Variants in KPNA6 observed in about 807,000 individuals in gnomAD.
KPNA6 encodes karyopherin subunit alpha 6.
KPNA6 carries 9 observed loss-of-function variants against 72.0 expected under a neutral mutation model. The ratio of observed to expected loss-of-function variants is 0.13; its 90% confidence interval spans 0.08 to 0.22. KPNA6 has a LOEUF of 0.22. Among genes scored for constraint, KPNA6 ranks in the 10% least tolerant of loss-of-function variants. The pLI is 1.00. For missense variants in KPNA6, 374 were observed against 655.7 expected, an observed-to-expected ratio of 0.57 and a Z score of 4.69; for synonymous variants, 219 against 242.1, an observed-to-expected ratio of 0.90 and a Z score of 0.89.
At chr1:32,125,704 C>G (rs1023204657) in intron 1 of KPNA6, among the ~76,000 whole-genome samples, 1 of 151,990 alleles carries the variant, frequency 6.6e-6, no homozygotes, top group Non-Finnish European at 1.5e-5. Context: ...ATGATATTGC[C>G]CCCGTTGAGA....
intron 1 of KPNA6, among the ~76,000 whole-genome samples, chr1:32,123,680 C>T (rs917840457): frequency 1.4e-5 from 2 of 146,382 alleles, no homozygotes; most frequent in African/African-American, 5.1e-5. Context: ...ATTGAGGTTG[C>T]AGTGAGCCAA....
In KPNA6 at chr1:32,143,817, T is replaced by C. The variant is rs547781601; in HGVS notation, c.5-10771T>C. On this transcript the variant is annotated intron_variant, in intron 1 of 13. Transcript: ENST00000373625. ...CTAATCTACTTTCTGAGTTTGACTC[T>C]AGGTACCTCATGTAAGTGGAATATT... Among the ~76,000 whole-genome samples the C allele has an allele frequency of 2.2e-4, 33 of 152,302 alleles. 1 individual carries two copies. In the South Asian group the frequency reaches 6.8e-3, roughly 32 times the overall value.
chr1:32,157,494 TTTCTC>T (rs753505686), intron 4 of KPNA6, 49 bp downstream of exon 4: 1 of 1,348,904 alleles, frequency 7.4e-7, no homozygotes, highest in Admixed American at 1.7e-5. Flanking sequence ...TTTAGCCTCT[TTTCTC>T]TTCACTGATG....
At chr1:32,118,154 C>G (rs903187459) in intron 1 of KPNA6, among the ~76,000 whole-genome samples, 13 of 152,030 alleles carry the variant, frequency 8.6e-5, no homozygotes, top group African/African-American at 2.9e-4. Flanking sequence ...GAACTCCCAA[C>G]CTCAGGTGAT....
At chr1:32,149,418 G>A (rs1373775726) in intron 1 of KPNA6, among the ~76,000 whole-genome samples, 1 of 152,034 alleles carries the variant, frequency 6.6e-6, no homozygotes, top group Non-Finnish European at 1.5e-5. Context: ...TAGAAACAGG[G>A]TCTCCCTATG....
intron 1 of KPNA6, among the ~76,000 whole-genome samples, chr1:32,125,798 T>A (rs964561404): frequency 2.0e-5 from 3 of 152,134 alleles, no homozygotes; most frequent in Non-Finnish European, 4.4e-5. Context: ...ATGGTGCATA[T>A]AACTTGTATA....
Position 32,174,892 on chromosome 1 carries a change from C to T in KPNA6, c.*3998C>T, listed in dbSNP as rs1020580773. 6.6e-6 allele frequency: 1 copy of T among 152,180 alleles called. No homozygotes were observed. Among genetic ancestry groups the T allele is most frequent in the Non-Finnish European group, 1.5e-5 (1 of 68,032 alleles). The allele number at this position is 152,180 out of a possible 1,614,324, so 9.4% of individuals were successfully genotyped here. A position where few individuals can be genotyped will look rare whatever the true frequency, so the allele number is the denominator to read the frequency against. ...GATATTGCTCAGAATAAATTTATTC[C>T]ATAGCCATTTAGGATTGCATGTTCT... On this transcript the variant is annotated 3_prime_UTR_variant, in exon 14 of 14. Coordinates refer to ENST00000373625, the MANE Select transcript of KPNA6 (RefSeq NM_012316.5).
At chr1:32,163,163 G>A in intron 9 of KPNA6, 72 bp from the exon 10 acceptor site, 1 of 968,676 alleles carries the variant, frequency 1.0e-6, no homozygotes, top group Non-Finnish European at 1.7e-6. Context: ...TCCAGGCTCA[G>A]ACTAAAGAGA....
intron 1 of KPNA6, among the ~76,000 whole-genome samples, chr1:32,122,299 G>GA (rs1173185998): frequency 7.2e-6 from 1 of 139,414 alleles, no homozygotes; most frequent in Non-Finnish European, 1.6e-5. Context: ...GAAACAAAAC[G>GA]AAAAAAAAGC....
chr1:32,111,742 C>G (rs535186336), intron 1 of KPNA6, among the ~76,000 whole-genome samples: 1 of 152,292 alleles, frequency 6.6e-6, no homozygotes, highest in African/African-American at 2.4e-5. Context: ...TACTCTCAGT[C>G]TGTATCCTAC....
rs536928833 is a variant in KPNA6, at chr1:32,140,388, GA to G, written c.5-14190del. ...AACAGAGCGAGACTCTGTCTCAGGA[GA>G]AAAAAAAAAGAAGAAGGTCCTTATT... On this transcript the variant is annotated intron_variant, in intron 1 of 13. Coordinates refer to ENST00000373625, the MANE Select transcript of KPNA6 (RefSeq NM_012316.5). Among the ~76,000 whole-genome samples, 4 of 145,886 alleles carry G rather than the reference GA, an allele frequency of 2.7e-5. No homozygotes were observed. In the South Asian group the frequency reaches 6.5e-4, roughly 24 times the overall value.
In KPNA6 at chr1:32,108,314, C is replaced by G. The variant is rs1205697222; in HGVS notation, c.4+180C>G. ...GTTTTGGGCCGAGCTAGGGCCCGTG[C>G]TGGAAGCAGTCCTTTGGTGCTGGTT... On this transcript the variant is annotated intron_variant, in intron 1 of 13. Coordinates refer to ENST00000373625, the MANE Select transcript of KPNA6 (RefSeq NM_012316.5). Among the ~76,000 whole-genome samples the G allele has an allele frequency of 2.0e-5, 3 of 152,226 alleles. No individual in the cohort carries two copies. In the East Asian group the frequency reaches 5.8e-4, roughly 29 times the overall value.
chr1:32,118,972 ATGTGTGTG>A (rs144915333), intron 1 of KPNA6, among the ~76,000 whole-genome samples: 1 of 120,988 alleles, frequency 8.3e-6, no homozygotes, highest in Non-Finnish European at 1.6e-5. Context: ...AGCCATATAT[ATGTGTGTG>A]TGTGTGTGTG....
rs1477383966 is a variant in KPNA6, at chr1:32,166,134, C to T, written c.1020C>T (p.Cys340=). Residue 340 remains cysteine, a synonymous_variant, in exon 11 of 14, where the codon TGC becomes TGT. Coordinates refer to ENST00000373625, the MANE Select transcript of KPNA6 (RefSeq NM_012316.5). ...TTCTTAACTGTTCAGCCCTACCTTG[C>T]CTTCTCCACTTGTTGAGCAGTCCCA... ...QVILNCSALP[C]LLHLLSSPKE... 2 of 1,613,918 alleles carry T rather than the reference C, an allele frequency of 1.2e-6. No individual in the cohort carries two copies. The highest frequency in any genetic ancestry group is 1.3e-5 in the African/African-American group (1 of 74,912).
At chr1:32,157,731 C>A (rs1642169494) in intron 4 of KPNA6, among the ~76,000 whole-genome samples, 1 of 152,136 alleles carries the variant, frequency 6.6e-6, no homozygotes, top group Admixed American at 6.5e-5. Context: ...CCTCCTCTCC[C>A]CCCATTATAT....
chr1:32,145,833 G>T (rs754322651), intron 1 of KPNA6, among the ~76,000 whole-genome samples: 1 of 152,094 alleles, frequency 6.6e-6, no homozygotes, highest in Non-Finnish European at 1.5e-5. Context: ...CTGTACCTTT[G>T]TAGTAAGTTA....
chr1:32,116,124 ATCT>A (rs1641323871), intron 1 of KPNA6, among the ~76,000 whole-genome samples: 1 of 151,384 alleles, frequency 6.6e-6, no homozygotes, highest in African/African-American at 2.4e-5. Context: ...GGCTGATTTG[ATCT>A]TCTGTCAAAA....
At chr1:32,150,187 C>A (rs868152996) in intron 1 of KPNA6, among the ~76,000 whole-genome samples, 28 of 131,736 alleles carry the variant, frequency 2.1e-4, no homozygotes, top group Middle Eastern at 4.9e-3. Context: ...GGCTGTAGTG[C>A]AGTAGCATGA....
intron 1 of KPNA6, among the ~76,000 whole-genome samples, chr1:32,139,533 C>T (rs1370660159): frequency 6.6e-6 from 1 of 152,134 alleles, no homozygotes; most frequent in Non-Finnish European, 1.5e-5. Context: ...AGCCCCTAGA[C>T]TTAACTTCCA....
Sources: allele counts gnomAD v4.1 joint callset (sites outside exome capture counted in the v4.1 genomes callset), GRCh38; gene constraint gnomAD v4.1.1; transcripts MANE v1.5; gene names NCBI Gene and HGNC (gene_info 2026-07-23, HGNC 2026-07-21).